The following SRRM2 variants were observed in gnomAD, a reference collection of about 807,000 sequenced individuals.
SRRM2 encodes serine/arginine repetitive matrix 2.
A neutral mutation model predicts 213.8 loss-of-function variants in SRRM2; 30 were observed. The ratio of observed to expected loss-of-function variants is 0.14; its 90% CI spans 0.10 to 0.19. The LOEUF (loss-of-function observed/expected upper bound fraction) is 0.19. SRRM2 is among the 10% of genes least tolerant of loss of function. The pLI is 1.00. For synonymous variants in SRRM2, 2,025 were observed against 1,377.7 expected, an observed-to-expected ratio of 1.47 and a Z score of -10.40; for missense variants, 4,904 against 3,647.0, an observed-to-expected ratio of 1.34 and a Z score of -8.88.
chr16:2,770,741 C>G (rs199753907), intron 14 of SRRM2, 24 bp downstream of exon 14: 1 of 1,583,594 alleles, frequency 6.3e-7, no homozygotes. Context: ...AAGGCTGATG[C>G]CCCCTTCCGG....
chr16:2,765,534 G>A lies in SRRM2; in HGVS notation c.5006G>A (p.Arg1669His), dbSNP rs763819000. ...PEHPPKSRTA[R>H]RGSRSSPEPK... Reference sequence around the variant, plus strand: ...CATCCGCCCAAATCCAGAACTGCTCGCAGAGGTTCCAGGTCATCACCAGAG... The same window carrying A: ...CATCCGCCCAAATCCAGAACTGCTCACAGAGGTTCCAGGTCATCACCAGAG... The change falls in exon 11 of 15, where the codon CGC becomes CAC. Residue 1669 changes from arginine to histidine, a missense_variant. By Grantham distance (29) the Arg-to-His change is conservative. Coordinates refer to ENST00000301740, the MANE Select transcript of SRRM2 (RefSeq NM_016333.4). The A allele has an allele frequency of 2.5e-5, 41 of 1,614,026 alleles. No homozygotes were observed. Among genetic ancestry groups the A allele is most frequent in the South Asian group, 6.6e-5 (6 of 91,080 alleles).
chr16:2,765,059 A>ACCC lies in SRRM2; in HGVS notation c.4535_4537dup (p.Pro1512dup). On this transcript the variant is annotated inframe_insertion, in exon 11 of 15. Transcript: ENST00000301740. ...CCCAGAGCTCAACAACAAGTGTCTT[A>ACCC]CCCCCCAGAGAGAAAGAAGCGGGTC... 1.2e-6 allele frequency: 2 copies of ACCC among 1,613,964 alleles called. No individual in the cohort carries two copies. Among genetic ancestry groups the ACCC allele is most frequent in the Non-Finnish European group, 1.7e-6 (2 of 1,180,012 alleles).
In SRRM2 at chr16:2,764,268, A is replaced by G. The variant is rs1019708092; in HGVS notation, c.3740A>G (p.Glu1247Gly). The G allele has an allele frequency of 1.9e-6, 3 of 1,613,900 alleles. No homozygotes were observed. The highest frequency in any genetic ancestry group is 2.5e-6 in the Non-Finnish European group (3 of 1,179,982). Residue 1247 changes from glutamate to glycine, a missense_variant, in exon 11 of 15, where the codon GAA becomes GGA. Glu to Gly is a moderately conservative substitution (Grantham distance 98). Transcript: ENST00000301740. ...ELMEVVEKSE[E>G]PAGQILSHLS... ...ATGGAGGTGGTAGAGAAGTCTGAAG[A>G]ACCCGCAGGCCAAATCCTGTCTCAT... is the stretch of plus-strand genomic sequence containing the variant.
chr16:2,759,124 C>T lies in SRRM2; in HGVS notation c.657-16C>T, dbSNP rs1486825683. The T allele has an allele frequency of 6.2e-7, 1 of 1,614,066 alleles. No individual in the cohort carries two copies. The highest frequency in any genetic ancestry group is 1.7e-5 in the Admixed American group (1 of 60,004). The stretch of plus-strand genomic sequence containing the variant: ...AGAGGTGTTTCTTATGTTTTTTCTT[C>T]TCTTTTTTCCAACAGGTCAGAATCT... On this transcript the variant is annotated splice_polypyrimidine_tract_variant and intron_variant, in intron 6 of 14. Transcript: ENST00000301740.
intron 1 of SRRM2, 60 bp from the exon 2 acceptor site, chr16:2,756,274 G>A: frequency 7.1e-7 from 1 of 1,406,702 alleles, no homozygotes. Context: ...TTGGGTGTGG[G>A]GCGGTAAGTG....
chr16:2,771,012 CTTTTT>C lies in SRRM2; in HGVS notation c.*151_*155del. On this transcript the variant is annotated 3_prime_UTR_variant, in exon 15 of 15. Transcript: ENST00000301740. Reference sequence around the variant, plus strand: ...GGATGGAGGGCTCCCTTTCCCTCCCCTTTTTTTTTTCTTTGTTCCTGTGAAATGTT... The same window carrying C: ...GGATGGAGGGCTCCCTTTCCCTCCCCTTTTTCTTTGTTCCTGTGAAATGTT... The C allele has an allele frequency of 3.1e-6, 2 of 652,556 alleles. No homozygotes were observed. The highest frequency in any genetic ancestry group is 2.2e-6 in the Non-Finnish European group (1 of 449,758). 40.4% of individuals were successfully genotyped at this position (652,556 alleles called of 1,614,324 possible). A position where few individuals can be genotyped will look rare whatever the true frequency, so the allele number is the denominator to read the frequency against.
rs199835386 is a variant in SRRM2 at position 2,758,477 on chromosome 16, C to A, written c.523C>A (p.Arg175=). 2 of 1,613,794 alleles carry A rather than the reference C, an allele frequency of 1.2e-6. No individual in the cohort carries two copies. Among genetic ancestry groups the A allele is most frequent in the East Asian group, 4.5e-5 (2 of 44,878 alleles). ...CTTTTCATTTTTCCCTAGCCTTGTT[C>A]GGGAGTCTAGCAGTTCTCGCTCACC... ...PEPPKPYSLV[R]ESSSSRSPTP... Residue 175 remains arginine (R), a synonymous_variant, in exon 5 of 15, where the codon CGG becomes AGG. Transcript: ENST00000301740.
intron 12 of SRRM2, chr16:2,770,122 A>G: frequency 1.4e-6 from 2 of 1,416,068 alleles, no homozygotes; most frequent in African/African-American, 1.4e-5. Context: ...AGCTCCTTCA[A>G]GGGCAGGGAC....
Position 2,758,831 on chromosome 16 carries a change from GAGAA to G in SRRM2, c.594-149_594-146del, listed in dbSNP as rs2150772993. On this transcript the variant is annotated intron_variant, in intron 5 of 14. Coordinates refer to ENST00000301740, the MANE Select transcript of SRRM2 (RefSeq NM_016333.4). Reference sequence around the variant, plus strand: ...CTTAAGGAGTTACTTGTGCTTGTTGGAGAAAGAAGAAATAAGTCCTGGGCTTAGG... The same window carrying G: ...CTTAAGGAGTTACTTGTGCTTGTTGGAGAAGAAATAAGTCCTGGGCTTAGG... 4 of 815,206 alleles carry G rather than the reference GAGAA, an allele frequency of 4.9e-6. No individual in the cohort carries two copies. The East Asian group carries it at 1.1e-4, about 22-fold the overall frequency. The allele number at this position is 815,206 out of a possible 1,614,324, so 50.5% of individuals were successfully genotyped here.
intron 2 of SRRM2, among the ~76,000 whole-genome samples, 191 bp downstream of exon 2, chr16:2,756,797 G>A (rs113993556): frequency 2.0e-5 from 3 of 152,124 alleles, no homozygotes; most frequent in African/African-American, 7.2e-5. Flanking sequence ...AGAAGGCTGT[G>A]TGTCTGGGGC....
intron 12 of SRRM2, 129 bp downstream of exon 12, chr16:2,769,413 C>A: frequency 9.5e-7 from 1 of 1,052,554 alleles, no homozygotes; most frequent in African/African-American, 1.6e-5. Flanking sequence ...GGGGAGGAGG[C>A]ACTTGCTCTC....
chr16:2,761,713 T>C lies in SRRM2; in HGVS notation c.1185T>C (p.Ser395=), dbSNP rs1320329286. The C allele has an allele frequency of 1.6e-5, 25 of 1,606,806 alleles. No homozygotes were observed. In the East Asian group the frequency reaches 5.4e-4, roughly 34 times the overall value. Reference sequence around the variant, plus strand: ...GCCAGGAGCCAGTGAACCCCCCATCTGAGGCCTCTCCAACTCGGGACCGTT... The same window carrying C: ...GCCAGGAGCCAGTGAACCCCCCATCCGAGGCCTCTCCAACTCGGGACCGTT... ...PLSQEPVNPP[S]EASPTRDRSP... is the part of the protein sequence containing the mutation. The change falls in exon 11 of 15, where the codon TCT becomes TCC. Residue 395 remains serine (S), a synonymous_variant. Transcript: ENST00000301740.
At chr16:2,768,876 C>G in intron 11 of SRRM2, 121 bp from the exon 12 acceptor site, 6 of 1,543,798 alleles carry the variant, frequency 3.9e-6, no homozygotes, top group Non-Finnish European at 5.2e-6. Flanking sequence ...TCACGTGGCT[C>G]GGAGAGCTCC....
intron 14 of SRRM2, 27 bp from the exon 15 acceptor site, chr16:2,770,831 C>G: frequency 1.2e-6 from 2 of 1,613,986 alleles, no homozygotes; most frequent in Non-Finnish European, 1.7e-6. Flanking sequence ...GTGGGAACTC[C>G]CTGTTGACCC....
In SRRM2 at chr16:2,761,574, G is replaced by T. The variant is rs767490853; in HGVS notation, c.1046G>T (p.Arg349Leu). Reference sequence around the variant, plus strand: ...TTCCACTCTTAGAAATCTGCAACTCGACCTAGCCCCTCTCCGGAAAGGAGC... The same window carrying T: ...TTCCACTCTTAGAAATCTGCAACTCTACCTAGCCCCTCTCCGGAAAGGAGC... Reference protein sequence around the residue: ...DKDKKEKSATRPSPSPERSST... With the variant: ...DKDKKEKSATLPSPSPERSST... Residue 349 changes from arginine to leucine, a missense_variant, in exon 11 of 15, where the codon CGA (arginine) becomes CTA (leucine). Arg to Leu is a moderately radical substitution (Grantham distance 102, BLOSUM62 -2). Coordinates refer to ENST00000301740, the MANE Select transcript of SRRM2 (RefSeq NM_016333.4). The T allele has an allele frequency of 4.0e-6, 6 of 1,495,706 alleles. No homozygotes were observed. In the East Asian group the frequency reaches 1.2e-4, roughly 29 times the overall value. 92.7% of individuals were successfully genotyped at this position (1,495,706 alleles called of 1,614,324 possible).
chr16:2,760,494 A>G lies in SRRM2; in HGVS notation c.1027A>G (p.Lys343Glu), dbSNP rs1373656086. The change falls in exon 10 of 15, where the codon AAG (lysine) becomes GAG (glutamate). Residue 343 changes from lysine to glutamate, a missense_variant. Transcript: ENST00000301740. ...SPYEDKDKDK[K>E]EKSATRPSPS... The stretch of plus-strand genomic sequence containing the variant: ...TTATGAAGACAAAGATAAAGACAAG[A>G]AGGAGGTATGTTCCTGAGTTGGTGA... The G allele has an allele frequency of 6.8e-6, 11 of 1,614,026 alleles. No individual in the cohort carries two copies. The highest frequency in any genetic ancestry group is 1.3e-5 in the African/African-American group (1 of 74,930).
intron 5 of SRRM2, 90 bp downstream of exon 5, chr16:2,758,637 A>G: frequency 3.9e-6 from 5 of 1,282,156 alleles, no homozygotes; most frequent in South Asian, 1.2e-5. Context: ...TGGCTTCCAC[A>G]AAGCAGGAGA....
rs758318953 is a variant in SRRM2, at chr16:2,762,249, G to T, written c.1721G>T (p.Arg574Leu). ...SRSPATRGRS[R>L]SRTPARRGRS... Reference sequence around the variant, plus strand: ...TCCCCAGCCACTAGGGGTAGATCTCGTTCTAGAACACCAGCCCGCCGGGGC... The same window carrying T: ...TCCCCAGCCACTAGGGGTAGATCTCTTTCTAGAACACCAGCCCGCCGGGGC... The change falls in exon 11 of 15, where the codon CGT (arginine) becomes CTT (leucine). Residue 574 changes from arginine to leucine, a missense_variant. Coordinates refer to ENST00000301740, the MANE Select transcript of SRRM2 (RefSeq NM_016333.4). The T allele has an allele frequency of 8.1e-6, 13 of 1,613,922 alleles. No individual in the cohort carries two copies. The highest frequency in any genetic ancestry group is 1.1e-5 in the Non-Finnish European group (13 of 1,179,990).
chr16:2,758,361 A>T, intron 4 of SRRM2, 109 bp from the exon 5 acceptor site: 1 of 1,049,550 alleles, frequency 9.5e-7, no homozygotes, highest in Non-Finnish European at 1.4e-6. Flanking sequence ...ACAGAGCGAG[A>T]CTCTTATTTT....
Sources: gnomAD v4.1 joint callset for allele counts (sites outside exome capture counted in the v4.1 genomes callset) on GRCh38, gnomAD v4.1.1 for gene constraint, MANE v1.5 for transcripts, NCBI Gene and HGNC (gene_info 2026-07-23, HGNC 2026-07-21) for gene names.